Variants in HAT1 observed in about 807,000 individuals in gnomAD.
HAT1 encodes histone acetyltransferase 1.
In HAT1, 20 loss-of-function variants were observed where a neutral mutation model predicts 56.6. That is an observed-to-expected ratio of 0.35 (90% CI 0.25 to 0.51). The LOEUF is 0.51. Ranked by LOEUF, HAT1 falls within the 20% of genes least tolerant of loss-of-function variation. The probability of loss-of-function intolerance (pLI) is 0.95; values close to 1 mark genes in which losing one functional copy is unlikely to be tolerated. For missense variants in HAT1, 408 were observed against 504.3 expected (o/e 0.81, Z 1.83); for synonymous variants, 146 against 165.5 (o/e 0.88, Z 0.91).
rs73018504 is a variant in HAT1 at position 171,977,957 on chromosome 2, T to A, written c.976-1290T>A. Among the ~76,000 whole-genome samples, 323 of 151,910 alleles carry A rather than the reference T, an allele frequency of 2.1e-3. 1 individual carries two copies. The Middle Eastern group carries it at 0.028, about 13-fold the overall frequency. On this transcript the variant is annotated intron_variant, in intron 9 of 10. Transcript: ENST00000264108. ...AAATAAATACATAAGTGAAACAACA[T>A]CAACAGAAAAACTGTGGTTCTCCTT...
intron 8 of HAT1, among the ~76,000 whole-genome samples, chr2:171,969,076 A>G (rs1687751809): frequency 6.6e-6 from 1 of 152,322 alleles, no homozygotes; most frequent in South Asian, 2.1e-4. Context: ...TTCCTTGTAT[A>G]CCATCTGCCT....
Position 171,953,207 on chromosome 2 carries a change from G to T in HAT1, c.309+206G>T, listed in dbSNP as rs76350913. Among the ~76,000 whole-genome samples, 389 of 152,020 alleles carry T rather than the reference G, an allele frequency of 2.6e-3. 8 individuals carry two copies. Among genetic ancestry groups the T allele is most frequent in the East Asian group, 0.022 (116 of 5,160 alleles). The stretch of plus-strand genomic sequence containing the variant: ...AAAAAACCACAAAAATTAGTGGGGC[G>T]TGGTGGCATGTGTCTGTAATTCCAG... On this transcript the variant is annotated intron_variant, in intron 4 of 10. Transcript: ENST00000264108.
At chr2:171,922,615 G>C in intron 1 of HAT1, 108 bp downstream of exon 1, 3 of 934,428 alleles carry the variant, frequency 3.2e-6, no homozygotes, top group Non-Finnish European at 2.9e-6. Flanking sequence ...CTGTAGCCTG[G>C]GTTCCAGAAG....
At chr2:171,971,510 T>C (rs1687816033) in intron 8 of HAT1, among the ~76,000 whole-genome samples, 1 of 152,204 alleles carries the variant, frequency 6.6e-6, no homozygotes, top group Non-Finnish European at 1.5e-5. Context: ...TCTTCTTAGA[T>C]GTGGATATCC....
chr2:171,942,906 T>G (rs1379438727), intron 2 of HAT1, among the ~76,000 whole-genome samples: 1 of 152,176 alleles, frequency 6.6e-6, no homozygotes, highest in Non-Finnish European at 1.5e-5. Context: ...TACTCATTAC[T>G]TGTTCTTTTC....
rs1325175897 is a variant in HAT1, at chr2:171,966,424, T to C, written c.627T>C (p.Asn209=). 5 of 1,572,624 alleles carry C rather than the reference T, an allele frequency of 3.2e-6. No homozygotes were observed. The African/African-American group carries it at 5.4e-5, about 17-fold the overall frequency. The change falls in exon 7 of 11, where the codon AAT becomes AAC. Residue 209 remains asparagine (N), a synonymous_variant. Coordinates refer to ENST00000264108, the MANE Select transcript of HAT1 (RefSeq NM_003642.4). ...TTATCTGCAGATTTGAGAAGTATAA[T>C]AAGGATGGAGCTACGCTCTTTGCGA... ...WHYFLVFEKY[N]KDGATLFATV...
Position 171,983,080 on chromosome 2 carries a change from C to T in HAT1, c.1093-105C>T, listed in dbSNP as rs779143685. 13 of 615,754 alleles carry T rather than the reference C, an allele frequency of 2.1e-5. No homozygotes were observed. The Admixed American group carries it at 2.1e-4, about 10-fold the overall frequency. The allele number at this position is 615,754 out of a possible 1,614,324, so 38.1% of individuals were successfully genotyped here. A position where few individuals can be genotyped will look rare whatever the true frequency, so the allele number is the denominator to read the frequency against. On this transcript the variant is annotated intron_variant, in intron 10 of 10. Transcript: ENST00000264108. ...AAAAACATTGTGGGACAAGTTTGGG[C>T]GTATTCATACTATTCTTATTTTTAA...
intron 8 of HAT1, among the ~76,000 whole-genome samples, chr2:171,970,914 A>C (rs1045362969): frequency 6.6e-6 from 1 of 151,302 alleles, no homozygotes; most frequent in African/African-American, 2.4e-5. Flanking sequence ...TACTTGAAAA[A>C]ATGTGGCCGG....
chr2:171,922,670 C>T (rs1686469395), intron 1 of HAT1, 163 bp downstream of exon 1: 1 of 517,108 alleles, frequency 1.9e-6, no homozygotes, highest in Non-Finnish European at 3.1e-6. Flanking sequence ...CCAGCAGCTC[C>T]TTGTTGGCGG....
chr2:171,980,975 GC>G (rs1443176201), intron 10 of HAT1: 1 of 151,680 alleles, frequency 6.6e-6, no homozygotes, highest in Non-Finnish European at 1.5e-5. Context: ...TTCGAGACCA[GC>G]CTGGCCAACA....
At chr2:171,924,000 A>G (rs1479524722) in intron 1 of HAT1, 1 of 152,154 alleles carries the variant, frequency 6.6e-6, no homozygotes, top group African/African-American at 2.4e-5. Context: ...GGGTTAAGTA[A>G]TGTGCTCTAG....
intron 4 of HAT1, among the ~76,000 whole-genome samples, chr2:171,956,996 CA>C (rs1453171804): frequency 6.6e-6 from 1 of 152,108 alleles, no homozygotes; most frequent in Non-Finnish European, 1.5e-5. Flanking sequence ...GTTGTCTCAG[CA>C]AAAAGCTAGG....
chr2:171,962,908 T>A (rs1294462948), intron 4 of HAT1, among the ~76,000 whole-genome samples: 3 of 152,224 alleles, frequency 2.0e-5, no homozygotes, highest in Non-Finnish European at 4.4e-5. Context: ...TTTAACTCTA[T>A]TCAATTAACA....
At chr2:171,938,289 A>G (rs1686928147) in intron 2 of HAT1, among the ~76,000 whole-genome samples, 1 of 152,080 alleles carries the variant, frequency 6.6e-6, no homozygotes, top group African/African-American at 2.4e-5. Flanking sequence ...TGCAGGCCCT[A>G]TGTTCTATAT....
Position 171,965,520 on chromosome 2 carries a change from A to G in HAT1, c.489+3A>G, listed in dbSNP as rs1687663893. 10 of 1,513,950 alleles carry G rather than the reference A, an allele frequency of 6.6e-6. No homozygotes were observed. The highest frequency in any genetic ancestry group is 9.0e-6 in the Non-Finnish European group (10 of 1,106,008). 93.8% of individuals were successfully genotyped at this position (1,513,950 alleles called of 1,614,324 possible). A position where few individuals can be genotyped will look rare whatever the true frequency, so the allele number is the denominator to read the frequency against. On this transcript the variant is annotated splice_donor_region_variant and intron_variant, in intron 5 of 10. Transcript: ENST00000264108. The stretch of plus-strand genomic sequence containing the variant: ...ACTTTACCTTTCAGATATATAAGGT[A>G]AAGATAAATCTAAATATTTATTGAG...
At chr2:171,936,487 C>T (rs1259865679) in intron 2 of HAT1, among the ~76,000 whole-genome samples, 1 of 151,962 alleles carries the variant, frequency 6.6e-6, no homozygotes, top group East Asian at 1.9e-4. Context: ...ACAGTGGTCA[C>T]AATGAGTTGG....
chr2:171,938,053 TC>T (rs1686919303), intron 2 of HAT1, among the ~76,000 whole-genome samples: 1 of 150,400 alleles, frequency 6.6e-6, no homozygotes, highest in South Asian at 2.1e-4. Flanking sequence ...TCTCTCTCTC[TC>T]TCTCTCTCTC....
At chr2:171,946,569 T>C (rs1687169560) in intron 2 of HAT1, 139 bp from the exon 3 acceptor site, 1 of 622,020 alleles carries the variant, frequency 1.6e-6, no homozygotes, top group South Asian at 2.0e-5. Context: ...ATAAATCATA[T>C]AATGGTGAAA....
chr2:171,979,157 G>A, intron 9 of HAT1, 90 bp from the exon 10 acceptor site: 1 of 700,054 alleles, frequency 1.4e-6, no homozygotes, highest in South Asian at 1.8e-5. Context: ...CCTTGCTCAT[G>A]GCAGATATTA....
Sources: gnomAD v4.1 joint callset for allele counts (sites outside exome capture counted in the v4.1 genomes callset) on GRCh38, gnomAD v4.1.1 for gene constraint, MANE v1.5 for transcripts, NCBI Gene and HGNC (gene_info 2026-07-23, HGNC 2026-07-21) for gene names.